Variants in PRKG1 observed in about 807,000 individuals in gnomAD.
The protein encoded by PRKG1 is protein kinase cGMP-dependent 1, also known as cGMP-dependent protein kinase 1.
PRKG1 carries 35 observed loss-of-function variants against 88.1 expected under a neutral mutation model. The observed-to-expected ratio is 0.40, with a 90% confidence interval of 0.30 to 0.53. PRKG1 has a LOEUF of 0.53. Among genes scored for constraint, PRKG1 ranks in the 20% least tolerant of loss-of-function variants. The pLI, the probability that PRKG1 is intolerant of heterozygous loss-of-function variation, is 0.59. For synonymous variants in PRKG1, 303 were observed against 292.5 expected, an observed-to-expected ratio of 1.04 and a Z score of -0.37; for missense variants, 540 against 839.8, an observed-to-expected ratio of 0.64 and a Z score of 4.41.
chr10:51,284,901 T>C (rs1418548417), intron 2 of PRKG1, among the ~76,000 whole-genome samples: 1 of 150,006 alleles, frequency 6.7e-6, no homozygotes, highest in Non-Finnish European at 1.5e-5. Context: ...CTATTCTTTT[T>C]TTTTTTATTA....
intron 2 of PRKG1, among the ~76,000 whole-genome samples, chr10:51,373,005 C>T (rs982067899): frequency 1.3e-5 from 2 of 152,048 alleles, no homozygotes; most frequent in Admixed American, 6.6e-5. Flanking sequence ...CTTGTAATGT[C>T]TCTGACAGGT....
intron 5 of PRKG1, among the ~76,000 whole-genome samples, chr10:52,005,235 A>G (rs184174115): frequency 6.8e-6 from 1 of 148,116 alleles, no homozygotes; most frequent in African/African-American, 2.5e-5. Context: ...TGGATGAATG[A>G]AAGGGTAATG....
intron 3 of PRKG1, among the ~76,000 whole-genome samples, chr10:51,691,070 G>T (rs1327569377): frequency 6.7e-6 from 1 of 148,640 alleles, no homozygotes; most frequent in Non-Finnish European, 1.5e-5. Context: ...CATTGAAAAA[G>T]AAGATATTGC....
chr10:52,271,520 C>A (rs746748395), intron 11 of PRKG1, 31 bp downstream of exon 11: 2 of 1,599,508 alleles, frequency 1.3e-6, no homozygotes, highest in East Asian at 2.2e-5. Context: ...ACAGACGTAC[C>A]CAACTCCAAG....
At chr10:51,311,903 C>T (rs1468266955) in intron 2 of PRKG1, among the ~76,000 whole-genome samples, 2 of 152,186 alleles carry the variant, frequency 1.3e-5, no homozygotes, top group Admixed American at 1.3e-4. Flanking sequence ...TGGTGTTTCA[C>T]TCTTGTTACC....
chr10:51,983,565 A>G (rs1257313326), intron 5 of PRKG1, among the ~76,000 whole-genome samples: 1 of 152,112 alleles, frequency 6.6e-6, no homozygotes, highest in Non-Finnish European at 1.5e-5. Context: ...CACCCTGAAG[A>G]GTTTAGGTCC....
At chr10:52,153,446 T>C (rs1422286083) in intron 8 of PRKG1, among the ~76,000 whole-genome samples, 5 of 152,164 alleles carry the variant, frequency 3.3e-5, no homozygotes, top group Non-Finnish European at 5.9e-5. Flanking sequence ...ATGAGTGAAA[T>C]AGCAATTCTC....
intron 2 of PRKG1, among the ~76,000 whole-genome samples, chr10:51,389,483 C>T (rs747024293): frequency 6.6e-6 from 1 of 152,012 alleles, no homozygotes; most frequent in Admixed American, 6.5e-5. Context: ...CCTAACATGC[C>T]GCCACAGCTG....
At chr10:51,505,911 C>CA (rs1841186153) in intron 3 of PRKG1, among the ~76,000 whole-genome samples, 1 of 151,144 alleles carries the variant, frequency 6.6e-6, no homozygotes, top group Admixed American at 6.6e-5. Flanking sequence ...TTGATCTTTT[C>CA]AAAAAACCAG....
intron 3 of PRKG1, among the ~76,000 whole-genome samples, chr10:51,577,553 G>A (rs1156730018): frequency 1.3e-5 from 2 of 152,020 alleles, no homozygotes; most frequent in East Asian, 3.9e-4. Context: ...CATCATGATA[G>A]AGGATCTAGA....
At chr10:51,336,101 C>T (rs776169855) in intron 2 of PRKG1, among the ~76,000 whole-genome samples, 2 of 152,074 alleles carry the variant, frequency 1.3e-5, no homozygotes, top group Non-Finnish European at 2.9e-5. Context: ...GCCTGTAATC[C>T]CAACACTTTG....
At chr10:52,059,286 A>G (rs574731220) in intron 6 of PRKG1, among the ~76,000 whole-genome samples, 1 of 152,132 alleles carries the variant, frequency 6.6e-6, no homozygotes, top group African/African-American at 2.4e-5. Flanking sequence ...ATAAACATTT[A>G]CCGTATGACA....
At chr10:51,062,218 C>T (rs1411197388) in intron 1 of PRKG1, among the ~76,000 whole-genome samples, 1 of 152,188 alleles carries the variant, frequency 6.6e-6, no homozygotes, top group Non-Finnish European at 1.5e-5. Context: ...TAAAGTTTAG[C>T]CTCTCTGGAA....
intron 1 of PRKG1, among the ~76,000 whole-genome samples, chr10:51,057,674 T>C (rs183897917): frequency 6.6e-6 from 1 of 152,280 alleles, no homozygotes; most frequent in Admixed American, 6.5e-5. Flanking sequence ...TGTTTTGAGT[T>C]TTATTGGTGG....
At chr10:52,155,418 A>G (rs1019721444) in intron 8 of PRKG1, among the ~76,000 whole-genome samples, 1 of 152,068 alleles carries the variant, frequency 6.6e-6, no homozygotes, top group Non-Finnish European at 1.5e-5. Context: ...ATTACTAGAT[A>G]AGCAAATAAA....
At chr10:51,566,948 GAA>G (rs1279216482) in intron 3 of PRKG1, among the ~76,000 whole-genome samples, 3 of 149,906 alleles carry the variant, frequency 2.0e-5, no homozygotes, top group Non-Finnish European at 4.4e-5. Flanking sequence ...GAGAGAGAGA[GAA>G]AGAAAAAACA....
intron 2 of PRKG1, among the ~76,000 whole-genome samples, chr10:51,158,444 TA>T: frequency 6.6e-6 from 1 of 152,082 alleles, no homozygotes; most frequent in South Asian, 2.1e-4. Context: ...GAGGAGCCCA[TA>T]AAAGATGCAT....
chr10:52,164,945 T>G (rs926384882), intron 9 of PRKG1, among the ~76,000 whole-genome samples: 25 of 152,198 alleles, frequency 1.6e-4, no homozygotes, highest in African/African-American at 5.3e-4. Context: ...AAATTTCAAC[T>G]GTACAGTTTT....
At chr10:51,447,083 C>T (rs1839294654) in intron 2 of PRKG1, among the ~76,000 whole-genome samples, 1 of 151,954 alleles carries the variant, frequency 6.6e-6, no homozygotes. Flanking sequence ...TTTTATAATA[C>T]CGCCAATTGA....
Sources: gnomAD v4.1 joint callset for allele counts (sites outside exome capture counted in the v4.1 genomes callset) on GRCh38, gnomAD v4.1.1 for gene constraint, MANE v1.5 for transcripts, NCBI Gene and HGNC (gene_info 2026-07-23, HGNC 2026-07-21) for gene names.